SHTN1: variants seen among roughly 807,000 people sequenced by gnomAD.
SHTN1 encodes the protein shootin-1.
In SHTN1, 42 loss-of-function variants were observed where a neutral mutation model predicts 83.1. The observed-to-expected ratio is 0.51, with a 90% confidence interval of 0.39 to 0.65. The LOEUF is 0.65. SHTN1 is among the 30% of genes least tolerant of loss of function. The pLI is 0.00. For synonymous variants in SHTN1, 224 were observed against 247.7 expected, an observed-to-expected ratio of 0.90 and a Z score of 0.90; for missense variants, 622 against 737.8, an observed-to-expected ratio of 0.84 and a Z score of 1.82.
chr10:117,055,473 TG>T (rs1589913900), intron 1 of SHTN1, among the ~76,000 whole-genome samples: 1 of 152,184 alleles, frequency 6.6e-6, no homozygotes, highest in East Asian at 1.9e-4. Context: ...TTAATGGGTA[TG>T]GGGTTTCCTT....
At chr10:117,000,015 G>C (rs1380537600) in intron 1 of SHTN1, among the ~76,000 whole-genome samples, 1 of 152,260 alleles carries the variant, frequency 6.6e-6, no homozygotes, top group African/African-American at 2.4e-5. Flanking sequence ...ATCTCATGGG[G>C]GGTTGCCAAA....
At chr10:117,116,899 G>A (rs566762015) in intron 1 of SHTN1, among the ~76,000 whole-genome samples, 16 of 152,126 alleles carry the variant, frequency 1.1e-4, no homozygotes, top group African/African-American at 3.6e-4. Flanking sequence ...ATATATAGCA[G>A]GAATATACCT....
rs2133600525 is a variant in SHTN1 at position 117,067,525 on chromosome 10, G to T, written c.-188-19015C>A. Among the ~76,000 whole-genome samples the T allele has an allele frequency of 2.0e-5, 3 of 152,266 alleles. No individual in the cohort carries two copies. In the Middle Eastern group the frequency reaches 0.01, roughly 518 times the overall value. Reference sequence around the variant, plus strand: ...CAGGATAATCGCTTGAACCTGGGAGGCAGAGGTTGCAGTGAGCCAAGATCG... The same window carrying T: ...CAGGATAATCGCTTGAACCTGGGAGTCAGAGGTTGCAGTGAGCCAAGATCG... On this transcript the variant is annotated intron_variant, in intron 1 of 17. Transcript: ENST00000392901.
intron 7 of SHTN1, 96 bp downstream of exon 7, chr10:116,948,818 TAC>T: frequency 1.4e-6 from 1 of 735,148 alleles, no homozygotes; most frequent in Non-Finnish European, 2.0e-6. Context: ...AGATTTTATT[TAC>T]AGTCATATTT....
chr10:116,978,927 A>G (rs1850910150), intron 2 of SHTN1, among the ~76,000 whole-genome samples: 1 of 152,218 alleles, frequency 6.6e-6, no homozygotes, highest in Non-Finnish European at 1.5e-5. Context: ...GAAGTGTTCA[A>G]TTCCACTGAC....
intron 14 of SHTN1, among the ~76,000 whole-genome samples, chr10:116,908,774 G>A (rs986027242): frequency 6.6e-6 from 1 of 152,168 alleles, no homozygotes; most frequent in African/African-American, 2.4e-5. Flanking sequence ...TTTGGATAAT[G>A]GCATTATTTC....
At chr10:117,033,976 T>A (rs1363616057) in intron 2 of SHTN1, among the ~76,000 whole-genome samples, 1 of 152,034 alleles carries the variant, frequency 6.6e-6, no homozygotes, top group African/African-American at 2.4e-5. Flanking sequence ...AAATTCAACA[T>A]CCCTTCATGA....
Position 117,077,991 on chromosome 10 carries a change from C to T in SHTN1, c.-188-29481G>A, listed in dbSNP as rs74843333. Among the ~76,000 whole-genome samples, 501 of 152,262 alleles carry T rather than the reference C, an allele frequency of 3.3e-3. 2 individuals carry two copies. Among genetic ancestry groups the T allele is most frequent in the African/African-American group, 0.011 (447 of 41,550 alleles). On this transcript the variant is annotated intron_variant, in intron 1 of 17. Transcript: ENST00000392901. Reference sequence around the variant, plus strand: ...TATTCTTACCTTAATCGAAGAAGGTCGACGATTAACAGCACAAACAATAGC... The same window carrying T: ...TATTCTTACCTTAATCGAAGAAGGTTGACGATTAACAGCACAAACAATAGC...
At chr10:116,888,612 T>C (rs1256965109) in intron 16 of SHTN1, among the ~76,000 whole-genome samples, 3 of 152,162 alleles carry the variant, frequency 2.0e-5, no homozygotes, top group African/African-American at 7.2e-5. Context: ...AGCAGGAGCC[T>C]TCCCCAAGGA....
chr10:116,924,744 CTATT>C (rs1848680729), intron 11 of SHTN1, among the ~76,000 whole-genome samples: 3 of 133,668 alleles, frequency 2.2e-5, no homozygotes, highest in African/African-American at 8.8e-5. Context: ...GAATTTTCAC[CTATT>C]TTTTTTTTTT....
intron 1 of SHTN1, among the ~76,000 whole-genome samples, chr10:117,115,642 T>C (rs1040982562): frequency 1.3e-5 from 2 of 152,200 alleles, no homozygotes; most frequent in African/African-American, 4.8e-5. Flanking sequence ...ATAGAAGCAC[T>C]GTCACATTAA....
At chr10:117,076,577 T>C (rs757917808) in intron 1 of SHTN1, among the ~76,000 whole-genome samples, 1 of 152,184 alleles carries the variant, frequency 6.6e-6, no homozygotes, top group Non-Finnish European at 1.5e-5. Flanking sequence ...CATAATTCCA[T>C]ATAAAGTCAC....
rs1426658184 is a variant in SHTN1 at position 116,927,494 on chromosome 10, CAGG to C, written c.1112+295_1112+297del. Reference sequence around the variant, plus strand: ...GGCAGCAGGGAAGAGAGAACTTGTGCAGGAGAACTCCTCTTTATAAAACCATCA... The same window carrying C: ...GGCAGCAGGGAAGAGAGAACTTGTGCAGAACTCCTCTTTATAAAACCATCA... On this transcript the variant is annotated intron_variant, in intron 11 of 16. Coordinates refer to ENST00000355371, the MANE Select transcript of SHTN1 (RefSeq NM_001127211.3). 5.3e-5 allele frequency among the ~76,000 whole-genome samples: 8 copies of C among 152,246 alleles called. No homozygotes were observed. In the East Asian group the frequency reaches 9.7e-4, roughly 18 times the overall value.
chr10:117,078,460 G>T (rs975125114), intron 1 of SHTN1, among the ~76,000 whole-genome samples: 2 of 152,174 alleles, frequency 1.3e-5, no homozygotes, highest in African/African-American at 4.8e-5. Context: ...ACACCTATGA[G>T]AGTAGTAGAT....
At chr10:117,092,348 T>C (rs914632484) in intron 1 of SHTN1, among the ~76,000 whole-genome samples, 20 of 152,232 alleles carry the variant, frequency 1.3e-4, no homozygotes, top group African/African-American at 4.8e-4. Flanking sequence ...CTCTTGCTGC[T>C]GCATATGAAA....
rs550814373 is a variant in SHTN1, at chr10:116,933,957, AAAT to A, written c.859-3958_859-3956del. Among the ~76,000 whole-genome samples the A allele has an allele frequency of 3.8e-3, 585 of 152,166 alleles. 2 individuals are homozygous for A. Among genetic ancestry groups the A allele is most frequent in the Non-Finnish European group, 6.5e-3 (442 of 68,030 alleles). On this transcript the variant is annotated intron_variant, in intron 9 of 16. Transcript: ENST00000355371. The stretch of plus-strand genomic sequence containing the variant: ...TTTTTCATATGTTTGTTGGCCACAT[AAAT>A]GTCTTCTTTTGAGAAGTGTCTGTTC...
At chr10:117,029,581 T>C (rs901139596) in intron 2 of SHTN1, among the ~76,000 whole-genome samples, 10 of 152,044 alleles carry the variant, frequency 6.6e-5, no homozygotes, top group East Asian at 1.9e-4. Flanking sequence ...ATGGGGGCAG[T>C]TTCTCATGAA....
At chr10:117,055,922 T>A (rs559300223) in intron 1 of SHTN1, among the ~76,000 whole-genome samples, 1 of 152,296 alleles carries the variant, frequency 6.6e-6, no homozygotes, top group African/African-American at 2.4e-5. Flanking sequence ...ATGTATGTTT[T>A]ACTGTAATTT....
chr10:116,921,845 G>T (rs1445208498), intron 11 of SHTN1, among the ~76,000 whole-genome samples: 1 of 152,060 alleles, frequency 6.6e-6, no homozygotes, highest in African/African-American at 2.4e-5. Context: ...TATGTTAGAG[G>T]GGGAGGGAAG....
Sources: allele counts gnomAD v4.1 joint callset (sites outside exome capture counted in the v4.1 genomes callset), GRCh38; gene constraint gnomAD v4.1.1; transcripts MANE v1.5; gene names NCBI Gene and HGNC (gene_info 2026-07-23, HGNC 2026-07-21).